The following POLE variants were observed in gnomAD, a reference collection of about 807,000 sequenced individuals.
POLE encodes the protein DNA polymerase epsilon, catalytic subunit, also known as DNA polymerase epsilon catalytic subunit A.
In POLE, 188 loss-of-function variants were observed where a neutral mutation model predicts 279.2. The ratio of observed to expected loss-of-function variants is 0.67; its 90% CI spans 0.60 to 0.76. The LOEUF (loss-of-function observed/expected upper bound fraction) is 0.76, where lower values mean the gene tolerates loss of function less well. Ranked by LOEUF, POLE falls within the 30% of genes least tolerant of loss-of-function variation. The pLI is 0.00. For missense variants in POLE, 2,703 were observed against 3,016.7 expected, an observed-to-expected ratio of 0.90 and a Z score of 2.44; for synonymous variants, 1,214 against 1,172.5, an observed-to-expected ratio of 1.04 and a Z score of -0.72.
Position 132,675,495 on chromosome 12 carries a change from C to T in POLE, c.1129G>A (p.Ala377Thr), listed in dbSNP as rs754508108. Reference sequence around the variant, plus strand: ...TGCTGCATGCTCAGACCGTGGACTGCTGCCCGGGCCTCCACAAATGGCCTG... The same window carrying T: ...TGCTGCATGCTCAGACCGTGGACTGTTGCCCGGGCCTCCACAAATGGCCTG... ...FDWPFVEARAAVHGLSMQQEI... is the reference protein window; with the variant it reads ...FDWPFVEARATVHGLSMQQEI... The change falls in exon 12 of 49, where the codon GCA (alanine) becomes ACA (threonine). Residue 377 changes from alanine (A) to threonine (T), a missense_variant. By Grantham distance (58) the Ala-to-Thr change is moderately conservative (BLOSUM62 0). Coordinates refer to ENST00000320574, the MANE Select transcript of POLE (RefSeq NM_006231.4). The surrounding 1 kb of genome is among the most constrained non-coding windows in gnomAD (Gnocchi z 4.3). 6.2e-7 allele frequency: 1 copy of T among 1,614,124 alleles called. No homozygotes were observed. The highest frequency in any genetic ancestry group is 1.3e-5 in the African/African-American group (1 of 75,042).
In POLE at chr12:132,649,080, G is replaced by T. The variant is rs745486661; in HGVS notation, c.4006-8C>A. 15 of 1,609,900 alleles carry T rather than the reference G, an allele frequency of 9.3e-6. No individual in the cohort carries two copies. The highest frequency in any genetic ancestry group is 1.8e-4 in the Middle Eastern group (1 of 5,646). On this transcript the variant is annotated splice_region_variant and splice_polypyrimidine_tract_variant and intron_variant, in intron 31 of 48. Transcript: ENST00000320574. ...CTGGCTGGTCTCGCTGATCTGAAAG[G>T]CCACACGGACATACAGCACATCACA...
rs1555223858 is a variant in POLE, at chr12:132,648,998, C to G, written c.4080G>C (p.Leu1360=). 6.2e-7 allele frequency: 1 copy of G among 1,614,054 alleles called. No homozygotes were observed. Among genetic ancestry groups the G allele is most frequent in the Non-Finnish European group, 8.5e-7 (1 of 1,180,014 alleles). ...TCACGTAGAACACACGGGGGATGCT[C>G]AGCCTGATGCAGTGCAAGTCACTGC... ...LVGSDLHCIR[L]SIPRVFYVNQ... Residue 1360 remains leucine, a synonymous_variant, in exon 32 of 49, where the codon CTG becomes CTC. Transcript: ENST00000320574.
intron 1 of POLE, among the ~76,000 whole-genome samples, chr12:132,682,299 A>T (rs867683898): frequency 1.5e-4 from 14 of 91,098 alleles, no homozygotes; most frequent in East Asian, 7.4e-4. Context: ...GGCAAAAAAA[A>T]AAAAATAAAT....
chr12:132,635,011 G>C (rs5745000), intron 42 of POLE, among the ~76,000 whole-genome samples: 101,569 of 151,610 alleles, frequency 0.67, 34,847 homozygotes, highest in African/African-American at 0.81. Context: ...AAGCGTCTGC[G>C]TCCTTACAAA....
chr12:132,677,347 C>A lies in POLE; in HGVS notation c.801+16G>T. 6.2e-7 allele frequency: 1 copy of A among 1,606,080 alleles called. No individual in the cohort carries two copies. The highest frequency in any genetic ancestry group is 1.3e-5 in the African/African-American group (1 of 74,870). The stretch of plus-strand genomic sequence containing the variant: ...ACTGGAAATTTTAGGATGAAGGTAA[C>A]ACAAGCAAAACTTACAGGTCGTTCA... On this transcript the variant is annotated intron_variant, in intron 8 of 48. Coordinates refer to ENST00000320574, the MANE Select transcript of POLE (RefSeq NM_006231.4).
At chr12:132,667,699 G>C (rs778975699) in intron 19 of POLE, 51 bp from the exon 20 acceptor site, 1 of 1,599,458 alleles carries the variant, frequency 6.3e-7, no homozygotes, top group South Asian at 1.1e-5. Context: ...TCCCAGAGCA[G>C]AGGGAGCCAG....
chr12:132,681,301 C>G (rs5744733), intron 1 of POLE, 22 bp from the exon 2 acceptor site: 1 of 1,605,452 alleles, frequency 6.2e-7, no homozygotes, highest in Non-Finnish European at 8.5e-7. Flanking sequence ...AAGGGAACCC[C>G]GTGCTTAATT....
chr12:132,643,726 C>T lies in POLE; in HGVS notation c.4290+111G>A, dbSNP rs558257999. 3.7e-4 allele frequency: 537 copies of T among 1,464,280 alleles called. 2 individuals are homozygous for T. Among genetic ancestry groups the T allele is most frequent in the Non-Finnish European group, 4.7e-4 (505 of 1,067,332 alleles). The allele number at this position is 1,464,280 out of a possible 1,614,324, so 90.7% of individuals were successfully genotyped here. ...CTGACATTCACCTCACCTGTGGGAA[C>T]GAGTCCACTGTCGCTGCTGTTCCCC... On this transcript the variant is annotated intron_variant, in intron 33 of 48. Transcript: ENST00000320574.
At position 132,635,934 on chromosome 12, in the gene POLE, G is replaced by A. The variant is rs375198950; in HGVS notation, c.5769C>T (p.Gly1923=). The part of the protein sequence containing the change: ...FLLWMDPSNY[G]GIKGKVSSRI... The stretch of plus-strand genomic sequence containing the variant: ...GAGATGAAACTTTTCCTTTGATTCC[G>A]CCATAGTTAGATGGATCCATCCAGA... Residue 1923 remains glycine (G), a synonymous_variant, in exon 42 of 49, where the codon GGC becomes GGT. Coordinates refer to ENST00000320574, the MANE Select transcript of POLE (RefSeq NM_006231.4). 259 of 1,613,606 alleles carry A rather than the reference G, an allele frequency of 1.6e-4. No homozygotes were observed. Among genetic ancestry groups the A allele is most frequent in the Non-Finnish European group, 2.0e-4 (240 of 1,179,740 alleles).
At chr12:132,658,068 A>G (rs2042586553) in intron 26 of POLE, 98 bp from the exon 27 acceptor site, 1 of 790,654 alleles carries the variant, frequency 1.3e-6, no homozygotes, top group Admixed American at 2.0e-5. Flanking sequence ...AAGGACGTGT[A>G]ACAGCTGTTC....
At chr12:132,678,863 C>G (rs1004668832) in intron 6 of POLE, among the ~76,000 whole-genome samples, 7 of 152,240 alleles carry the variant, frequency 4.6e-5, no homozygotes, top group Admixed American at 4.6e-4. Context: ...TCTGAGGACT[C>G]AGTCTCTGAT....
chr12:132,633,267 G>A (rs941019251), intron 43 of POLE: 2 of 156,794 alleles, frequency 1.3e-5, no homozygotes, highest in Admixed American at 6.2e-5. Flanking sequence ...GGGTTCAAGT[G>A]ATTCTCCTGC....
chr12:132,630,907 G>A (rs2041922520), intron 45 of POLE, among the ~76,000 whole-genome samples: 1 of 152,224 alleles, frequency 6.6e-6, no homozygotes, highest in South Asian at 2.1e-4. Context: ...AGCCACTTCA[G>A]AAAAGAGTTT....
In POLE at chr12:132,639,815, G is replaced by T. The variant is rs1384811166; in HGVS notation, c.5379-517C>A. Among the ~76,000 whole-genome samples the T allele has an allele frequency of 3.3e-5, 5 of 152,158 alleles. No homozygotes were observed. Among genetic ancestry groups the T allele is most frequent in the African/African-American group, 1.2e-4 (5 of 41,452 alleles). Reference sequence around the variant, plus strand: ...AAAAATACAAAAATTAGCTGGGCTAGTGCATGCCTGTAATCCTGCTACTCG... The same window carrying T: ...AAAAATACAAAAATTAGCTGGGCTATTGCATGCCTGTAATCCTGCTACTCG... On this transcript the variant is annotated intron_variant, in intron 39 of 48. Transcript: ENST00000320574. This position sits in a 1 kb window ranked among gnomAD's most constrained non-coding sequence, Gnocchi z 4.7.
Position 132,638,133 on chromosome 12 carries a change from G to T in POLE, c.5559C>A (p.Ile1853=), listed in dbSNP as rs1032264693. ...NMMKKLFLQL[I]AEFKRLGSSV... Reference sequence around the variant, plus strand: ...ATGACCCCAGGCGCTTGAACTCAGCGATGAGCCTGTGGAGCAAGTTGAGAG... The same window carrying T: ...ATGACCCCAGGCGCTTGAACTCAGCTATGAGCCTGTGGAGCAAGTTGAGAG... Residue 1853 remains isoleucine (I), a synonymous_variant, in exon 41 of 49, where the codon ATC becomes ATA. Coordinates refer to ENST00000320574, the MANE Select transcript of POLE (RefSeq NM_006231.4). The T allele has an allele frequency of 1.2e-6, 2 of 1,613,672 alleles. No homozygotes were observed. The highest frequency in any genetic ancestry group is 1.7e-6 in the Non-Finnish European group (2 of 1,179,840).
intron 29 of POLE, chr12:132,650,938 C>T (rs1425282919): frequency 7.3e-6 from 1 of 137,098 alleles, no homozygotes; most frequent in African/African-American, 2.7e-5. Flanking sequence ...CGCAATGGCA[C>T]GATCTCATCT....
rs550538168 is a variant in POLE at position 132,676,325 on chromosome 12, G to C, written c.910-121C>G. On this transcript the variant is annotated intron_variant, in intron 9 of 48. Transcript: ENST00000320574. ...ACTACAAAGAAGTCCACAGCAATGT[G>C]AAAGTGCTTTAAGCTTCCTGAGAAG... The C allele has an allele frequency of 1.6e-5, 12 of 769,794 alleles. No individual in the cohort carries two copies. In the South Asian group the frequency reaches 1.7e-4, roughly 11 times the overall value. The allele number at this position is 769,794 out of a possible 1,614,324, so 47.7% of individuals were successfully genotyped here. A position where few individuals can be genotyped will look rare whatever the true frequency, so the allele number is the denominator to read the frequency against.
intron 29 of POLE, among the ~76,000 whole-genome samples, chr12:132,654,269 C>T (rs1189408443): frequency 2.0e-5 from 3 of 149,780 alleles, no homozygotes; most frequent in African/African-American, 4.9e-5. Flanking sequence ...AACGGGGTCT[C>T]GCTATATTGC....
rs1330159531 is a variant in POLE, at chr12:132,676,537, C to T, written c.909+9G>A. ...CCAGGAGCTTACTTCCCAGAAGCCA[C>T]CTGCTCACCTGGCCATCGATCATGT... is the stretch of plus-strand genomic sequence containing the variant. On this transcript the variant is annotated intron_variant, in intron 9 of 48. Coordinates refer to ENST00000320574, the MANE Select transcript of POLE (RefSeq NM_006231.4). The T allele has an allele frequency of 6.3e-7, 1 of 1,592,982 alleles. No homozygotes were observed. Among genetic ancestry groups the T allele is most frequent in the Non-Finnish European group, 8.6e-7 (1 of 1,160,674 alleles).
Sources: gnomAD v4.1 joint callset for allele counts (sites outside exome capture counted in the v4.1 genomes callset) on GRCh38, gnomAD v4.1.1 for gene constraint, Gnocchi (gnomAD v3.1) non-coding constraint, MANE v1.5 for transcripts, NCBI Gene and HGNC (gene_info 2026-07-23, HGNC 2026-07-21) for gene names.